The following ZC3H7A variants were observed in gnomAD, a reference collection of about 807,000 sequenced individuals.
ZC3H7A encodes zinc finger CCCH-type containing 7A, also known as zinc finger CCCH domain-containing protein 7A.
In ZC3H7A, 44 loss-of-function variants were observed where a neutral mutation model predicts 125.5. That is an observed-to-expected ratio of 0.35 (90% CI 0.28 to 0.45). The LOEUF (loss-of-function observed/expected upper bound fraction) is 0.45, where lower values mean the gene tolerates loss of function less well. Among genes scored for constraint, ZC3H7A ranks in the 20% least tolerant of loss-of-function variants. ZC3H7A has a pLI of 1.00. For synonymous variants in ZC3H7A, 399 were observed against 391.2 expected (o/e 1.02, Z -0.23); for missense variants, 977 against 1,170.7 (o/e 0.83, Z 2.41).
chr16:11,779,660 C>T (rs938594153), intron 3 of ZC3H7A, among the ~76,000 whole-genome samples: 4 of 152,114 alleles, frequency 2.6e-5, no homozygotes, highest in Non-Finnish European at 5.9e-5. Flanking sequence ...AGTGGAAGCC[C>T]CAAGTCAAAG....
Position 11,769,092 on chromosome 16 carries a change from A to G in ZC3H7A, c.1112T>C (p.Leu371Pro), listed in dbSNP as rs368634676. 26 of 1,606,828 alleles carry G rather than the reference A, an allele frequency of 1.6e-5. No individual in the cohort carries two copies. The highest frequency in any genetic ancestry group is 2.2e-5 in the Non-Finnish European group (26 of 1,177,430). Residue 371 changes from leucine (L) to proline (P), a missense_variant, in exon 11 of 23, where the codon CTG becomes CCG. Physicochemically the swap from Leu to Pro is moderately conservative, Grantham distance 98. Coordinates refer to ENST00000355758, the MANE Select transcript of ZC3H7A (RefSeq NM_014153.4). ...TCCCTCTCTAGAAGTTGAGGTGGACAGATCTAAAATAATAAAAAAACTTCA... is the reference window on the plus strand; with the variant it reads ...TCCCTCTCTAGAAGTTGAGGTGGACGGATCTAAAATAATAAAAAAACTTCA... ...SFSMSESKRD[L>P]STSTSREGTP...
intron 9 of ZC3H7A, 130 bp from the exon 10 acceptor site, chr16:11,771,117 G>C (rs1338603642): frequency 1.1e-5 from 10 of 914,398 alleles, no homozygotes; most frequent in Non-Finnish European, 1.6e-5. Context: ...GTTTAGGCCA[G>C]GCATGGTGGC....
chr16:11,791,568 C>T (rs1282363056), intron 1 of ZC3H7A, among the ~76,000 whole-genome samples: 1 of 152,136 alleles, frequency 6.6e-6, no homozygotes, highest in Non-Finnish European at 1.5e-5. Flanking sequence ...AATACTTGAA[C>T]AAAGAATGAA....
chr16:11,753,754 T>C (rs575521600), intron 21 of ZC3H7A: 5 of 152,372 alleles, frequency 3.3e-5, no homozygotes, highest in Admixed American at 1.3e-4. Context: ...GTTTAAGCAA[T>C]TCTCCTGCCT....
intron 15 of ZC3H7A, 42 bp from the exon 16 acceptor site, chr16:11,763,701 G>A (rs774298763): frequency 1.4e-6 from 1 of 739,172 alleles, no homozygotes; most frequent in Middle Eastern, 3.2e-4. Flanking sequence ...TTCTGCCATA[G>A]ATTTTTCAAA....
chr16:11,780,221 A>T (rs540486641), intron 3 of ZC3H7A, among the ~76,000 whole-genome samples: 3 of 151,530 alleles, frequency 2.0e-5, no homozygotes, highest in Non-Finnish European at 4.4e-5. Flanking sequence ...CCTGAGTTCA[A>T]GTGATTCTCG....
At position 11,752,731 on chromosome 16, in the gene ZC3H7A, G is replaced by A. The variant is rs201082116; in HGVS notation, c.2664C>T (p.Thr888=). ...SEKHKEKVFH[T]EDDQYCWQHR... ...GCTGCCAGCAGTACTGGTCGTCCTC[G>A]GTGTGGAAAACCTTCTCTTTGTGCT... Residue 888 remains threonine, a synonymous_variant, in exon 22 of 23, where the codon ACC becomes ACT. Transcript: ENST00000355758. 9.9e-6 allele frequency: 16 copies of A among 1,614,046 alleles called. No individual in the cohort carries two copies. Among genetic ancestry groups the A allele is most frequent in the South Asian group, 2.2e-5 (2 of 91,086 alleles).
At chr16:11,778,465 G>GT (rs1450609733) in intron 4 of ZC3H7A, among the ~76,000 whole-genome samples, 1 of 144,656 alleles carries the variant, frequency 6.9e-6, no homozygotes, top group African/African-American at 2.6e-5. Flanking sequence ...AAAAACACTC[G>GT]TAAGAGTGTT....
At chr16:11,775,872 A>G (rs2053071185) in intron 7 of ZC3H7A, among the ~76,000 whole-genome samples, 1 of 152,176 alleles carries the variant, frequency 6.6e-6, no homozygotes, top group Non-Finnish European at 1.5e-5. Context: ...AAGTGACTAG[A>G]AGAGGCCAGA....
chr16:11,794,697 A>C (rs1361448919), intron 1 of ZC3H7A, among the ~76,000 whole-genome samples: 1 of 152,194 alleles, frequency 6.6e-6, no homozygotes, highest in Non-Finnish European at 1.5e-5. Flanking sequence ...GAAATGCTCA[A>C]AACTTTCCAA....
chr16:11,757,397 T>G (rs1467511247), intron 20 of ZC3H7A, among the ~76,000 whole-genome samples: 2 of 140,912 alleles, frequency 1.4e-5, no homozygotes, highest in Admixed American at 1.6e-4. Context: ...GGCAGGAGAA[T>G]GGTGTGAACC....
chr16:11,776,464 A>G lies in ZC3H7A; in HGVS notation c.534T>C (p.Tyr178=). ...AACTCCAGCTTACCTCAGCTCTGAC[A>G]TACGCTTTTCTTATTTTAAATCCCA... The part of the protein sequence containing the change: ...QKLGFKIRKA[Y]VRAELSLKSV... Residue 178 remains tyrosine, a synonymous_variant, in exon 6 of 23, where the codon TAT becomes TAC. Transcript: ENST00000355758. The G allele has an allele frequency of 6.2e-7, 1 of 1,611,744 alleles. No homozygotes were observed. The highest frequency in any genetic ancestry group is 8.5e-7 in the Non-Finnish European group (1 of 1,179,362).
chr16:11,757,483 CAAAAAAAAAAA>C (rs61471026), intron 20 of ZC3H7A, among the ~76,000 whole-genome samples: 23 of 40,978 alleles, frequency 5.6e-4, no homozygotes, highest in Admixed American at 9.4e-4. Flanking sequence ...GACTCTGTCT[CAAAAAAAAAAA>C]AAAAAAAAAA....
intron 20 of ZC3H7A, among the ~76,000 whole-genome samples, chr16:11,757,532 C>T (rs2052672904): frequency 6.7e-6 from 1 of 148,884 alleles, no homozygotes; most frequent in South Asian, 2.2e-4. Context: ...AGTTGAGAAC[C>T]ACTGTGCTAA....
intron 19 of ZC3H7A, among the ~76,000 whole-genome samples, chr16:11,760,079 C>A (rs2052719619): frequency 7.8e-6 from 1 of 128,856 alleles, no homozygotes; most frequent in Admixed American, 9.5e-5. Flanking sequence ...GAGCGGAGAT[C>A]GCAACATTGC....
rs535236870 is a variant in ZC3H7A at position 11,776,310 on chromosome 16, A to G, written c.585+10T>C. Reference sequence around the variant, plus strand: ...AAAAAATATAATTTTGACAGAAAAAATAACTTTACCTTGGTAGCCCCATCC... The same window carrying G: ...AAAAAATATAATTTTGACAGAAAAAGTAACTTTACCTTGGTAGCCCCATCC... On this transcript the variant is annotated intron_variant, in intron 7 of 22. Coordinates refer to ENST00000355758, the MANE Select transcript of ZC3H7A (RefSeq NM_014153.4). 4.4e-6 allele frequency: 7 copies of G among 1,594,882 alleles called. No homozygotes were observed. In the African/African-American group the frequency reaches 9.5e-5, roughly 22 times the overall value.
At chr16:11,770,695 C>G in intron 10 of ZC3H7A, 88 bp downstream of exon 10, 1 of 1,214,322 alleles carries the variant, frequency 8.2e-7, no homozygotes, top group Non-Finnish European at 1.2e-6. Flanking sequence ...ATGTCTACTA[C>G]CTAGAGTCAG....
chr16:11,776,550 G>A lies in ZC3H7A; in HGVS notation c.466-18C>T. 6.3e-7 allele frequency: 1 copy of A among 1,592,708 alleles called. No homozygotes were observed. The highest frequency in any genetic ancestry group is 8.5e-7 in the Non-Finnish European group (1 of 1,170,322). Reference sequence around the variant, plus strand: ...TGCTCATCCTGAAAAAAATAAGTATGTATAATTAACAGGGTTATATTTACT... The same window carrying A: ...TGCTCATCCTGAAAAAAATAAGTATATATAATTAACAGGGTTATATTTACT... On this transcript the variant is annotated intron_variant, in intron 5 of 22. Coordinates refer to ENST00000355758, the MANE Select transcript of ZC3H7A (RefSeq NM_014153.4).
chr16:11,783,818 G>T (rs906698672), intron 1 of ZC3H7A, among the ~76,000 whole-genome samples: 1 of 152,146 alleles, frequency 6.6e-6, no homozygotes, highest in Non-Finnish European at 1.5e-5. Context: ...ATGGGGGTTG[G>T]AATGTCCCAA....
Sources: gnomAD v4.1 joint callset for allele counts (sites outside exome capture counted in the v4.1 genomes callset) on GRCh38, gnomAD v4.1.1 for gene constraint, MANE v1.5 for transcripts, NCBI Gene and HGNC (gene_info 2026-07-23, HGNC 2026-07-21) for gene names.